The following TTC6 variants were observed in gnomAD, a reference collection of about 807,000 sequenced individuals.
TTC6 encodes the protein tetratricopeptide repeat protein 6.
In TTC6, 172 loss-of-function variants were observed where a neutral mutation model predicts 210.4. The observed-to-expected ratio is 0.82, with a 90% CI of 0.72 to 0.93. TTC6 has a LOEUF of 0.93. TTC6 is among the 40% of genes least tolerant of loss of function. TTC6 has a pLI of 0.00. For missense variants in TTC6, 2,414 were observed against 2,318.1 expected (o/e 1.04, Z -0.85); for synonymous variants, 804 against 819.6 (o/e 0.98, Z 0.32).
At chr14:37,731,468 A>G (rs1313612245) in intron 7 of TTC6, among the ~76,000 whole-genome samples, 1 of 152,206 alleles carries the variant, frequency 6.6e-6, no homozygotes, top group East Asian at 1.9e-4. Context: ...TTACAGTACG[A>G]CAGTTGAAAC....
intron 1 of TTC6, among the ~76,000 whole-genome samples, chr14:37,599,644 C>A (rs1001096259): frequency 1.3e-5 from 2 of 152,132 alleles, no homozygotes; most frequent in Admixed American, 6.5e-5. Flanking sequence ...CGCCCGCGGG[C>A]GACAAAACCG....
At chr14:37,602,081 G>A (rs2095616635) in intron 1 of TTC6, among the ~76,000 whole-genome samples, 1 of 152,212 alleles carries the variant, frequency 6.6e-6, no homozygotes, top group African/African-American at 2.4e-5. Context: ...GGCTTAGAGC[G>A]CGCTGAGTGT....
intron 10 of TTC6, among the ~76,000 whole-genome samples, chr14:37,739,654 A>G (rs2095912711): frequency 6.6e-6 from 1 of 152,002 alleles, no homozygotes; most frequent in Non-Finnish European, 1.5e-5. Flanking sequence ...GAATGATTCA[A>G]ATGATAATTT....
At chr14:37,646,724 A>G (rs1478067167) in intron 1 of TTC6, among the ~76,000 whole-genome samples, 1 of 152,192 alleles carries the variant, frequency 6.6e-6, no homozygotes, top group East Asian at 1.9e-4. Context: ...TTCTAAATTT[A>G]CAAAATGAAC....
At chr14:37,696,241 A>G (rs2095814631) in intron 3 of TTC6, among the ~76,000 whole-genome samples, 2 of 152,290 alleles carry the variant, frequency 1.3e-5, no homozygotes, top group African/African-American at 4.8e-5. Flanking sequence ...ATCTCAAAAA[A>G]ATATAGAGAA....
At chr14:37,658,694 AC>A (rs1266217436) in intron 1 of TTC6, among the ~76,000 whole-genome samples, 3 of 152,216 alleles carry the variant, frequency 2.0e-5, no homozygotes, top group Non-Finnish European at 4.4e-5. Context: ...CATAGCAAAA[AC>A]TACATTTACA....
chr14:37,715,672 G>A (rs1477660996), intron 6 of TTC6, among the ~76,000 whole-genome samples: 1 of 152,132 alleles, frequency 6.6e-6, no homozygotes, highest in African/African-American at 2.4e-5. Flanking sequence ...AAGTGATGGA[G>A]GCCAGAAGTA....
At chr14:37,746,543 C>A (rs939997240) in intron 10 of TTC6, among the ~76,000 whole-genome samples, 15 of 152,126 alleles carry the variant, frequency 9.9e-5, no homozygotes, top group African/African-American at 3.6e-4. Flanking sequence ...TTGGGTAATT[C>A]TGATGCATGC....
chr14:37,706,556 C>G (rs1178316287), intron 5 of TTC6, among the ~76,000 whole-genome samples: 1 of 152,072 alleles, frequency 6.6e-6, no homozygotes, highest in African/African-American at 2.4e-5. Context: ...ACCTAAGTGT[C>G]TATCATGGAA....
intron 22 of TTC6, 104 bp downstream of exon 24, chr14:37,806,614 A>T (rs907672228): frequency 8.9e-7 from 1 of 1,124,204 alleles, no homozygotes; most frequent in Non-Finnish European, 1.2e-6. Flanking sequence ...TCAGTTTCTT[A>T]TACCTACTTT....
chr14:37,700,261 G>A (rs1050067172), intron 4 of TTC6, among the ~76,000 whole-genome samples: 2 of 152,136 alleles, frequency 1.3e-5, no homozygotes, highest in African/African-American at 4.8e-5. Flanking sequence ...GTAATGTTGT[G>A]TTTGGATGCC....
At position 37,687,879 on chromosome 14, in the gene TTC6, G is replaced by A. The variant is rs998370785; in HGVS notation, c.1257+4915G>A. On this transcript the variant is annotated intron_variant, in intron 3 of 30. Transcript: ENST00000553443. ...ACTCGGCACATTCCCAGCTGTGGTG[G>A]CTACAGGGTGAGACCCCTGCTTGAG... Among the ~76,000 whole-genome samples the A allele has an allele frequency of 3.3e-5, 5 of 152,162 alleles. No homozygotes were observed. In the East Asian group the frequency reaches 7.7e-4, roughly 23 times the overall value.
chr14:37,732,569 A>G (rs983009819), intron 7 of TTC6, among the ~76,000 whole-genome samples: 2 of 152,038 alleles, frequency 1.3e-5, no homozygotes, highest in African/African-American at 2.4e-5. Context: ...TATACTTACT[A>G]TTAACTAAGT....
At chr14:37,748,490 A>G (rs1368158781) in intron 10 of TTC6, among the ~76,000 whole-genome samples, 1 of 152,186 alleles carries the variant, frequency 6.6e-6, no homozygotes, top group Non-Finnish European at 1.5e-5. Flanking sequence ...TACTAGGAGG[A>G]GGGTAAAACT....
intron 10 of TTC6, among the ~76,000 whole-genome samples, chr14:37,743,963 T>C (rs1163327688): frequency 6.6e-6 from 1 of 152,214 alleles, no homozygotes; most frequent in Non-Finnish European, 1.5e-5. Context: ...TTGTGCATTA[T>C]ATGAAGAAAG....
Position 37,763,131 on chromosome 14 carries a change from G to A in TTC6, c.3266+9896G>A, listed in dbSNP as rs182598922. ...TCTCAATCTCCCGACTTCATGATCC[G>A]CCTGCCTCAGCCTCCCAAAGTGCTG... On this transcript the variant is annotated intron_variant, in intron 14 of 30. Transcript: ENST00000553443. Among the ~76,000 whole-genome samples, 47 of 151,556 alleles carry A rather than the reference G, an allele frequency of 3.1e-4. No individual in the cohort carries two copies. The East Asian group carries it at 7.8e-3, about 25-fold the overall frequency.
chr14:37,721,728 A>G (rs2095862053), intron 6 of TTC6, among the ~76,000 whole-genome samples: 2 of 151,728 alleles, frequency 1.3e-5, no homozygotes, highest in Non-Finnish European at 2.9e-5. Flanking sequence ...TTTCTCATTT[A>G]ATCACATTAA....
chr14:37,816,463 C>A (rs2096142141), intron 25 of TTC6, among the ~76,000 whole-genome samples: 1 of 152,094 alleles, frequency 6.6e-6, no homozygotes, highest in East Asian at 1.9e-4. Flanking sequence ...TGTCTGGCTT[C>A]CAGGAAGGAA....
chr14:37,678,229 C>T (rs1412520084), intron 1 of TTC6, among the ~76,000 whole-genome samples: 1 of 152,056 alleles, frequency 6.6e-6, no homozygotes, highest in African/African-American at 2.4e-5. Context: ...CCACAGAAAC[C>T]TTTACTCAAG....
Sources: allele counts gnomAD v4.1 joint callset (sites outside exome capture counted in the v4.1 genomes callset), GRCh38; gene constraint gnomAD v4.1.1; transcripts MANE v1.5; gene names NCBI Gene and HGNC (gene_info 2026-07-23, HGNC 2026-07-21).